Variants in CDC42BPB observed in about 807,000 individuals in gnomAD.
CDC42BPB encodes the protein serine/threonine-protein kinase MRCK beta.
A neutral mutation model predicts 214.9 loss-of-function variants in CDC42BPB; 37 were observed. That is an observed-to-expected ratio of 0.17 (90% CI 0.13 to 0.23). The LOEUF (loss-of-function observed/expected upper bound fraction) is 0.23. Among genes scored for constraint, CDC42BPB ranks in the 10% least tolerant of loss-of-function variants. The probability of loss-of-function intolerance (pLI) is 1.00; values close to 1 mark genes in which losing one functional copy is unlikely to be tolerated. For missense variants in CDC42BPB, 1,694 were observed against 2,227.0 expected (o/e 0.76, Z 4.82); for synonymous variants, 931 against 884.0 (o/e 1.05, Z -0.94).
At chr14:103,022,453 C>G (rs1420184590) in intron 1 of CDC42BPB, among the ~76,000 whole-genome samples, 1 of 152,196 alleles carries the variant, frequency 6.6e-6, no homozygotes, top group Non-Finnish European at 1.5e-5. Flanking sequence ...CCTCCACCTC[C>G]TGGGCTCAAC....
chr14:103,056,892 G>A (rs1889010057), intron 1 of CDC42BPB, 107 bp downstream of exon 1: 6 of 765,242 alleles, frequency 7.8e-6, no homozygotes, highest in Admixed American at 4.3e-5. Context: ...GGGTGGGCAG[G>A]AGGGCGGCAG....
rs35995447 is a variant in CDC42BPB at position 102,983,370 on chromosome 14, C to T, written c.891+186G>A. ...TGGCGCCCACATCTCCTGGTGCCGA[C>T]CCCGCCTCTGGATGCCCTCTCCAAT... On this transcript the variant is annotated intron_variant, in intron 7 of 36. Coordinates refer to ENST00000361246, the MANE Select transcript of CDC42BPB (RefSeq NM_006035.4). 2.2e-3 allele frequency among the ~76,000 whole-genome samples: 342 copies of T among 152,252 alleles called. 1 individual carries two copies. Among genetic ancestry groups the T allele is most frequent in the African/African-American group, 7.8e-3 (324 of 41,516 alleles).
intron 5 of CDC42BPB, among the ~76,000 whole-genome samples, chr14:102,998,211 CAG>C (rs1894827237): frequency 1.3e-5 from 2 of 152,110 alleles, no homozygotes; most frequent in South Asian, 4.1e-4. Context: ...AGATGGGTGA[CAG>C]AGAGAAAGAG....
Position 102,955,658 on chromosome 14 carries a change from C to CT in CDC42BPB, c.2902-971dup, listed in dbSNP as rs572398608. 6.8e-3 allele frequency among the ~76,000 whole-genome samples: 1,030 copies of CT among 152,328 alleles called. 4 individuals are homozygous for CT. Among genetic ancestry groups the CT allele is most frequent in the Non-Finnish European group, 9.3e-3 (632 of 68,034 alleles). Reference sequence around the variant, plus strand: ...ACTCTGAAACCACTTAAAAACAACTCTATTTCAACAAGTATTCCTGAAACT... The same window carrying CT: ...ACTCTGAAACCACTTAAAAACAACTCTTATTTCAACAAGTATTCCTGAAACT... On this transcript the variant is annotated intron_variant, in intron 21 of 36. Coordinates refer to ENST00000361246, the MANE Select transcript of CDC42BPB (RefSeq NM_006035.4).
intron 20 of CDC42BPB, among the ~76,000 whole-genome samples, chr14:102,960,171 C>T (rs1363690246): frequency 6.6e-6 from 1 of 152,134 alleles, no homozygotes; most frequent in East Asian, 1.9e-4. Flanking sequence ...TGCCACTGTA[C>T]TCCAGCCTGG....
chr14:103,042,337 TCTCA>T (rs911931424), intron 1 of CDC42BPB, among the ~76,000 whole-genome samples: 10 of 150,692 alleles, frequency 6.6e-5, no homozygotes, highest in African/African-American at 2.2e-4. Flanking sequence ...TGAGACGGAG[TCTCA>T]CTCTGTCACC....
At chr14:102,999,859 T>C in intron 4 of CDC42BPB, 146 bp from the exon 5 acceptor site, 2 of 1,462,084 alleles carry the variant, frequency 1.4e-6, no homozygotes, top group Non-Finnish European at 1.8e-6. Flanking sequence ...CCCAAGACCC[T>C]CCTTCTGGAA....
At chr14:102,952,637 C>T (rs745321032) in intron 23 of CDC42BPB, 34 bp from the exon 24 acceptor site, 12 of 1,599,816 alleles carry the variant, frequency 7.5e-6, no homozygotes, top group Admixed American at 1.7e-5. Flanking sequence ...CTGAGGTGAA[C>T]CATGGACTCT....
In CDC42BPB at chr14:102,943,114, G is replaced by A. The variant is rs35336690; in HGVS notation, c.4408+777C>T. Among the ~76,000 whole-genome samples the A allele has an allele frequency of 5.3e-4, 80 of 152,186 alleles. 1 individual carries two copies. The East Asian group carries it at 0.011, about 21-fold the overall frequency. The stretch of plus-strand genomic sequence containing the variant: ...TCTCGATCTCCTAACCTCGTGATCC[G>A]CCCTGCCTTGGGCTCCCAAAGTGCT... On this transcript the variant is annotated intron_variant, in intron 30 of 36. Transcript: ENST00000361246. The surrounding 1 kb of genome is among the most constrained non-coding windows in gnomAD (Gnocchi z 4.6).
chr14:103,056,574 G>A (rs942031316), intron 1 of CDC42BPB, among the ~76,000 whole-genome samples: 2 of 150,266 alleles, frequency 1.3e-5, no homozygotes, highest in African/African-American at 2.5e-5. Flanking sequence ...TGCGGGGGCG[G>A]GGGCGGGGGC....
At chr14:103,028,319 G>A (rs1413582708) in intron 1 of CDC42BPB, among the ~76,000 whole-genome samples, 3 of 152,178 alleles carry the variant, frequency 2.0e-5, no homozygotes, top group Admixed American at 6.5e-5. Context: ...TTGTGGCTAC[G>A]AGTAAGCACC....
At chr14:103,036,642 T>C (rs539064479) in intron 1 of CDC42BPB, among the ~76,000 whole-genome samples, 4 of 152,310 alleles carry the variant, frequency 2.6e-5, no homozygotes, top group Non-Finnish European at 2.9e-5. Flanking sequence ...GGCTCAACTG[T>C]GCAGTTAGAG....
At chr14:103,000,623 G>A (rs79279419) in intron 4 of CDC42BPB, among the ~76,000 whole-genome samples, 1 of 152,384 alleles carries the variant, frequency 6.6e-6, no homozygotes, top group East Asian at 1.9e-4. Context: ...TTCCTGTGAA[G>A]AGATGGATGC....
At chr14:102,991,763 A>G (rs533458643) in intron 5 of CDC42BPB, among the ~76,000 whole-genome samples, 2 of 152,354 alleles carry the variant, frequency 1.3e-5, no homozygotes, top group South Asian at 2.1e-4. Flanking sequence ...CAACCCTTGT[A>G]TAAGACTGAA....
chr14:102,951,321 G>A (rs7146492), intron 24 of CDC42BPB, among the ~76,000 whole-genome samples: 5 of 152,244 alleles, frequency 3.3e-5, no homozygotes, highest in African/African-American at 7.2e-5. Context: ...TCTGTTCACA[G>A]ACCCATGGTC....
Position 102,972,117 on chromosome 14 carries a change from T to C in CDC42BPB, c.1686A>G (p.Glu562=). The stretch of plus-strand genomic sequence containing the variant: ...TTCGCTGCTGATGGGCATCTTTGAG[T>C]TCCTTGGCCTGGGATTTCAACCGCT... ...ASERLKSQAK[E]LKDAHQQRKL... is the part of the protein sequence containing the mutation. The change falls in exon 13 of 37, where the codon GAA becomes GAG. Residue 562 remains glutamate, a synonymous_variant. Coordinates refer to ENST00000361246, the MANE Select transcript of CDC42BPB (RefSeq NM_006035.4). 8 of 1,614,252 alleles carry C rather than the reference T, an allele frequency of 5.0e-6. No individual in the cohort carries two copies. Among genetic ancestry groups the C allele is most frequent in the Non-Finnish European group, 6.8e-6 (8 of 1,180,036 alleles).
intron 5 of CDC42BPB, among the ~76,000 whole-genome samples, chr14:102,996,147 G>T (rs2139579540): frequency 6.6e-6 from 1 of 152,242 alleles, no homozygotes; most frequent in South Asian, 2.1e-4. Flanking sequence ...AGACCATTCT[G>T]GCTAACACGG....
At chr14:102,965,149 G>C (rs1172580381) in intron 18 of CDC42BPB, among the ~76,000 whole-genome samples, 1 of 151,954 alleles carries the variant, frequency 6.6e-6, no homozygotes, top group African/African-American at 2.4e-5. Context: ...GGCCAGGCTA[G>C]TCTCCAACTC....
chr14:103,012,533 G>A (rs994485726), intron 1 of CDC42BPB, among the ~76,000 whole-genome samples: 3 of 152,242 alleles, frequency 2.0e-5, no homozygotes, highest in East Asian at 3.9e-4. Context: ...GGCCAGGCGC[G>A]GTGGCTCATG....
Sources: allele counts gnomAD v4.1 joint callset (sites outside exome capture counted in the v4.1 genomes callset), GRCh38; gene constraint gnomAD v4.1.1; non-coding constraint Gnocchi (gnomAD v3.1); transcripts MANE v1.5; gene names NCBI Gene and HGNC (gene_info 2026-07-23, HGNC 2026-07-21).